Variants in EYS observed in about 807,000 individuals in gnomAD.
EYS encodes the protein EGF-like photoreceptor maintenance factor.
In EYS, 250 loss-of-function variants were observed where a neutral mutation model predicts 282.1. The observed-to-expected ratio is 0.89, with a 90% CI of 0.80 to 0.98. The LOEUF (loss-of-function observed/expected upper bound fraction) is 0.98. Among genes scored for constraint, EYS ranks in the 50% least tolerant of loss-of-function variants. The probability of loss-of-function intolerance (pLI) is 0.00; values close to 1 mark genes in which losing one functional copy is unlikely to be tolerated. For missense variants in EYS, 4,016 were observed against 3,709.0 expected (o/e 1.08, Z -2.15); for synonymous variants, 1,355 against 1,282.9 (o/e 1.06, Z -1.20).
chr6:64,311,324 ATAGAT>A (rs544300298), intron 29 of EYS, among the ~76,000 whole-genome samples: 9 of 152,232 alleles, frequency 5.9e-5, no homozygotes, highest in South Asian at 4.1e-4. Flanking sequence ...AATATATATA[ATAGAT>A]TAAAGACAAG....
chr6:65,434,664 T>G, intron 5 of EYS, among the ~76,000 whole-genome samples: 1 of 152,134 alleles, frequency 6.6e-6, no homozygotes, highest in East Asian at 1.9e-4. Flanking sequence ...TCACTTCAAC[T>G]TAAATGTTTC....
At position 63,957,165 on chromosome 6, in the gene EYS, T is replaced by C. The variant is rs536680025; in HGVS notation, c.7055+27218A>G. 9.4e-5 allele frequency among the ~76,000 whole-genome samples: 9 copies of C among 96,254 alleles called. 1 individual carries two copies. In the South Asian group the frequency reaches 9.5e-4, roughly 10 times the overall value. The allele number at this position is 96,254 out of a possible 152,430, so 63.1% of individuals were successfully genotyped here. ...TTTGAAAGACACATTACTGTCTTCT[T>C]GTACTTAGGAACACTAGATAACACT... On this transcript the variant is annotated intron_variant, in intron 35 of 42. Coordinates refer to ENST00000503581, the MANE Select transcript of EYS (RefSeq NM_001142800.2).
chr6:64,839,525 G>T (rs986884421), intron 19 of EYS, among the ~76,000 whole-genome samples: 1 of 151,944 alleles, frequency 6.6e-6, no homozygotes, highest in African/African-American at 2.4e-5. Flanking sequence ...ATAGAGAGTT[G>T]TATTTAATTT....
intron 40 of EYS, among the ~76,000 whole-genome samples, chr6:63,771,407 C>T (rs1030436147): frequency 1.2e-4 from 18 of 152,158 alleles, no homozygotes; most frequent in Admixed American, 3.3e-4. Flanking sequence ...ATATAAACCT[C>T]TTCCTTCAAC....
intron 35 of EYS, among the ~76,000 whole-genome samples, chr6:63,904,912 T>G (rs1773738518): frequency 6.6e-6 from 1 of 152,226 alleles, no homozygotes; most frequent in Non-Finnish European, 1.5e-5. Context: ...TACCATAAAA[T>G]TCACTGTTTA....
At chr6:63,863,795 C>T (rs1034835436) in intron 36 of EYS, among the ~76,000 whole-genome samples, 3 of 151,576 alleles carry the variant, frequency 2.0e-5, no homozygotes, top group African/African-American at 7.3e-5. Flanking sequence ...CGAGCCTCAG[C>T]CTCCTGAGTA....
intron 36 of EYS, among the ~76,000 whole-genome samples, chr6:63,845,387 G>T: frequency 6.9e-6 from 1 of 144,770 alleles, no homozygotes; most frequent in Non-Finnish European, 1.5e-5. Flanking sequence ...AATGATGCAA[G>T]GATTTTTTTT....
chr6:64,327,641 T>C (rs1377969761), intron 29 of EYS, among the ~76,000 whole-genome samples: 2 of 152,114 alleles, frequency 1.3e-5, no homozygotes, highest in Non-Finnish European at 2.9e-5. Context: ...CAGGCCTGCT[T>C]TGAGACCTAC....
intron 5 of EYS, among the ~76,000 whole-genome samples, chr6:65,485,506 T>TA (rs1429331589): frequency 2.6e-5 from 4 of 152,168 alleles, no homozygotes; most frequent in African/African-American, 9.6e-5. Context: ...CACTTACAGT[T>TA]AAAAAATGCC....
At chr6:65,703,363 G>C (rs181450235) in intron 1 of EYS, among the ~76,000 whole-genome samples, 1 of 152,060 alleles carries the variant, frequency 6.6e-6, no homozygotes, top group South Asian at 2.1e-4. Context: ...GAAAATATGT[G>C]AGCAATAATT....
At chr6:63,721,883 G>GT (rs1768411135) in intron 42 of EYS, 86 bp from the exon 43 acceptor site, 1 of 1,286,126 alleles carries the variant, frequency 7.8e-7, no homozygotes, top group Non-Finnish European at 1.1e-6. Context: ...AGTTGGATAA[G>GT]TTTTAGTTAT....
In EYS at chr6:65,012,370, G is replaced by T. The variant is rs1028172582; in HGVS notation, c.2138-14667C>A. On this transcript the variant is annotated intron_variant, in intron 13 of 42. Transcript: ENST00000503581. ...AAAATATTTACATGTTACCTATTTGGAAAGTACTTAAAAATAAGGCTACTT... is the reference window on the plus strand; with the variant it reads ...AAAATATTTACATGTTACCTATTTGTAAAGTACTTAAAAATAAGGCTACTT... Among the ~76,000 whole-genome samples, 5 of 152,106 alleles carry T rather than the reference G, an allele frequency of 3.3e-5. No homozygotes were observed. In the South Asian group the frequency reaches 1.0e-3, roughly 32 times the overall value.
chr6:63,791,092 C>A (rs1055785839), intron 37 of EYS, among the ~76,000 whole-genome samples: 11 of 152,090 alleles, frequency 7.2e-5, no homozygotes, highest in Non-Finnish European at 1.6e-4. Flanking sequence ...GCCATTAAGA[C>A]ATGGTGAGGA....
At chr6:64,723,953 T>C (rs1771670808) in intron 22 of EYS, among the ~76,000 whole-genome samples, 1 of 152,182 alleles carries the variant, frequency 6.6e-6, no homozygotes, top group South Asian at 2.1e-4. Flanking sequence ...CTTGACACTC[T>C]CCTTAACCAT....
intron 28 of EYS, among the ~76,000 whole-genome samples, chr6:64,398,905 G>T (rs1215193642): frequency 1.3e-5 from 2 of 151,738 alleles, no homozygotes; most frequent in Admixed American, 1.3e-4. Flanking sequence ...TCTGTATTTA[G>T]AAGCAAACTA....
intron 30 of EYS, among the ~76,000 whole-genome samples, chr6:64,276,184 T>C (rs1426411882): frequency 1.3e-5 from 2 of 152,186 alleles, no homozygotes; most frequent in Admixed American, 1.3e-4. Flanking sequence ...GTTTGATTAC[T>C]AGGCTGAAGA....
At chr6:65,230,558 T>A (rs980394322) in intron 12 of EYS, among the ~76,000 whole-genome samples, 1 of 151,892 alleles carries the variant, frequency 6.6e-6, no homozygotes. Flanking sequence ...AAATTTACTG[T>A]CTTGGTTAAA....
intron 31 of EYS, among the ~76,000 whole-genome samples, chr6:64,138,271 A>AAAC (rs1283023575): frequency 6.6e-6 from 1 of 152,204 alleles, no homozygotes; most frequent in East Asian, 1.9e-4. Context: ...TGGGAACATA[A>AAAC]AACTCAAAAT....
chr6:63,957,420 GC>G (rs1765873453), intron 35 of EYS, among the ~76,000 whole-genome samples: 1 of 140,378 alleles, frequency 7.1e-6, no homozygotes, highest in African/African-American at 2.4e-5. Context: ...TCAAATGATT[GC>G]CAAAATGCTA....
Sources: allele counts gnomAD v4.1 joint callset (sites outside exome capture counted in the v4.1 genomes callset), GRCh38; gene constraint gnomAD v4.1.1; transcripts MANE v1.5; gene names NCBI Gene and HGNC (gene_info 2026-07-23, HGNC 2026-07-21).